Variants in ROBO2 observed in about 807,000 individuals in gnomAD.
ROBO2 encodes the protein roundabout homolog 2.
In ROBO2, 53 loss-of-function variants were observed where a neutral mutation model predicts 160.8. The ratio of observed to expected loss-of-function variants is 0.33; its 90% CI spans 0.26 to 0.41. The LOEUF is 0.41. Among genes scored for constraint, ROBO2 ranks in the 10% least tolerant of loss-of-function variants. The pLI is 1.00. For synonymous variants in ROBO2, 664 were observed against 611.7 expected (o/e 1.09, Z -1.26); for missense variants, 1,577 against 1,722.4 (o/e 0.92, Z 1.49).
intron 2 of ROBO2, among the ~76,000 whole-genome samples, chr3:76,195,426 G>A (rs1702215790): frequency 2.0e-5 from 3 of 152,086 alleles, no homozygotes. Flanking sequence ...CAAATATAAA[G>A]GATTGCCAAT....
chr3:77,413,223 C>G (rs185061382), intron 2 of ROBO2, among the ~76,000 whole-genome samples: 6 of 151,604 alleles, frequency 4.0e-5, no homozygotes, highest in Admixed American at 3.9e-4. Flanking sequence ...TAGGATGAAA[C>G]TCTAAGGTTT....
Position 77,304,971 on chromosome 3 carries a change from C to T in ROBO2, c.389-172443C>T, listed in dbSNP as rs893624663. Among the ~76,000 whole-genome samples the T allele has an allele frequency of 1.3e-4, 20 of 152,128 alleles. 1 individual carries two copies. The highest frequency in any genetic ancestry group is 1.2e-3 in the Admixed American group (18 of 15,262). ...AGGTGCAGTTCTCTGTACTGCATTA[C>T]TTATTTCTCTTTGGGCTTTATTGTG... On this transcript the variant is annotated intron_variant, in intron 2 of 25. Coordinates refer to ENST00000461745, the Ensembl canonical transcript of ROBO2.
chr3:76,049,489 C>T (rs2107807611), intron 2 of ROBO2, among the ~76,000 whole-genome samples: 1 of 143,544 alleles, frequency 7.0e-6, no homozygotes, highest in Non-Finnish European at 1.5e-5. Context: ...AGTGATCCGT[C>T]TCCCTCAGTC....
At chr3:77,115,698 A>G (rs553021916) in intron 2 of ROBO2, among the ~76,000 whole-genome samples, 1 of 152,304 alleles carries the variant, frequency 6.6e-6, no homozygotes, top group South Asian at 2.1e-4. Flanking sequence ...AAGATAGTTT[A>G]TTCTGCATTT....
intron 1 of ROBO2, among the ~76,000 whole-genome samples, chr3:77,076,001 C>T (rs543673793): frequency 6.6e-6 from 1 of 151,666 alleles, no homozygotes; most frequent in Non-Finnish European, 1.5e-5. Context: ...CATACTATTT[C>T]TTATGGCATC....
chr3:76,325,972 A>G (rs1358380326), intron 2 of ROBO2, among the ~76,000 whole-genome samples: 1 of 152,190 alleles, frequency 6.6e-6, no homozygotes, highest in Non-Finnish European at 1.5e-5. Flanking sequence ...TTCTCACTTG[A>G]GAAATGAACC....
intron 2 of ROBO2, among the ~76,000 whole-genome samples, chr3:77,234,284 C>A (rs963133020): frequency 3.3e-5 from 5 of 152,146 alleles, no homozygotes; most frequent in Non-Finnish European, 7.3e-5. Flanking sequence ...GGGATTGTGA[C>A]ATCATTACCA....
intron 1 of ROBO2, among the ~76,000 whole-genome samples, chr3:75,930,644 A>G (rs933629078): frequency 1.3e-5 from 2 of 152,140 alleles, no homozygotes; most frequent in Non-Finnish European, 2.9e-5. Context: ...TTATATGACA[A>G]TAGCACTCGA....
intron 2 of ROBO2, among the ~76,000 whole-genome samples, chr3:76,689,160 C>T (rs1343902658): frequency 1.3e-5 from 2 of 152,030 alleles, no homozygotes; most frequent in African/African-American, 4.8e-5. Context: ...CCTCTGGTAT[C>T]TTATTGACAA....
chr3:76,115,888 A>G (rs1338520892), intron 2 of ROBO2, among the ~76,000 whole-genome samples: 2 of 152,146 alleles, frequency 1.3e-5, no homozygotes, highest in Admixed American at 6.6e-5. Flanking sequence ...CAAATGTGCT[A>G]TGCCACATAG....
chr3:77,586,458 A>C (rs924209448), intron 16 of ROBO2, among the ~76,000 whole-genome samples: 5 of 152,052 alleles, frequency 3.3e-5, no homozygotes, highest in Admixed American at 1.3e-4. Context: ...TTTGTTCTTC[A>C]TTACTCTCCA....
intron 2 of ROBO2, among the ~76,000 whole-genome samples, chr3:76,102,079 T>A (rs2069717913): frequency 6.6e-6 from 1 of 151,810 alleles, no homozygotes; most frequent in South Asian, 2.1e-4. Flanking sequence ...GGTGTGATGT[T>A]CCCCTTCCTG....
intron 2 of ROBO2, among the ~76,000 whole-genome samples, chr3:77,445,956 G>A (rs1266676846): frequency 6.6e-6 from 1 of 151,720 alleles, no homozygotes; most frequent in Non-Finnish European, 1.5e-5. Context: ...TTACCCTGAG[G>A]CATTGACTCA....
intron 2 of ROBO2, among the ~76,000 whole-genome samples, chr3:76,682,509 A>G (rs1441071558): frequency 6.6e-6 from 1 of 152,036 alleles, no homozygotes; most frequent in Non-Finnish European, 1.5e-5. Flanking sequence ...CCTGGGTTCA[A>G]GCAGTTCTCT....
intron 12 of ROBO2, among the ~76,000 whole-genome samples, chr3:77,566,889 T>C (rs1228984186): frequency 6.6e-6 from 1 of 152,032 alleles, no homozygotes; most frequent in Non-Finnish European, 1.5e-5. Flanking sequence ...AAAGAACACT[T>C]TGCACTGTGA....
intron 2 of ROBO2, among the ~76,000 whole-genome samples, chr3:76,365,319 G>A (rs1206939522): frequency 1.3e-5 from 2 of 152,002 alleles, no homozygotes; most frequent in African/African-American, 2.4e-5. Flanking sequence ...GATGATCCCT[G>A]TTCATAGTAA....
intron 24 of ROBO2, 126 bp from the exon 26 acceptor site, chr3:77,642,545 A>C (rs2095363588): frequency 2.8e-6 from 1 of 358,514 alleles, no homozygotes; most frequent in Admixed American, 3.8e-5. Flanking sequence ...ATTGACTTTT[A>C]TTTTCCCCAA....
chr3:76,798,144 A>G (rs1389004755), intron 2 of ROBO2, among the ~76,000 whole-genome samples: 11 of 39,670 alleles, frequency 2.8e-4, no homozygotes, highest in African/African-American at 2.2e-3. Flanking sequence ...AAGAAAGAGA[A>G]AGAAAGAAAG....
chr3:77,036,280 C>T (rs993211085), upstream of ROBO2, among the ~76,000 whole-genome samples: 1 of 151,918 alleles, frequency 6.6e-6, no homozygotes, highest in Non-Finnish European at 1.5e-5. Flanking sequence ...TTCCCTGACA[C>T]GTGGTTAGTG....
Sources: allele counts gnomAD v4.1 joint callset (sites outside exome capture counted in the v4.1 genomes callset), GRCh38; gene constraint gnomAD v4.1.1; transcripts MANE v1.5; gene names NCBI Gene and HGNC (gene_info 2026-07-23, HGNC 2026-07-21).